Variants in RMND5A observed in about 807,000 individuals in gnomAD.
The protein encoded by RMND5A is required for meiotic nuclear division 5 homolog A, also known as E3 ubiquitin-protein transferase RMND5A.
RMND5A carries 17 observed loss-of-function variants against 49.7 expected under a neutral mutation model. The ratio of observed to expected loss-of-function variants is 0.34; its 90% CI spans 0.23 to 0.51. The LOEUF (loss-of-function observed/expected upper bound fraction) is 0.51. Among genes scored for constraint, RMND5A ranks in the 20% least tolerant of loss-of-function variants. The pLI, the probability that RMND5A is intolerant of heterozygous loss-of-function variation, is 0.96. For synonymous variants in RMND5A, 156 were observed against 167.7 expected (o/e 0.93, Z 0.54); for missense variants, 255 against 471.3 (o/e 0.54, Z 4.25).
chr2:86,744,321 G>T (rs960102342), intron 2 of RMND5A, among the ~76,000 whole-genome samples: 2 of 152,202 alleles, frequency 1.3e-5, no homozygotes, highest in African/African-American at 4.8e-5. Flanking sequence ...TGGGCAGCCT[G>T]TTGTAAAGGC....
chr2:86,753,387 A>T, intron 3 of RMND5A, 71 bp from the exon 4 acceptor site: 1 of 874,046 alleles, frequency 1.1e-6, no homozygotes, highest in Non-Finnish European at 1.9e-6. Context: ...ACAATCTAGA[A>T]TATACTTTTA....
At chr2:86,752,085 G>C in intron 3 of RMND5A, 55 bp downstream of exon 3, 1 of 1,575,648 alleles carries the variant, frequency 6.3e-7, no homozygotes, top group Non-Finnish European at 8.7e-7. Context: ...ACTCCTTGGA[G>C]TTTATAGTAT....
At chr2:86,764,957 G>T in intron 4 of RMND5A, 70 bp from the exon 5 acceptor site, 2 of 1,463,770 alleles carry the variant, frequency 1.4e-6, no homozygotes, top group Non-Finnish European at 1.8e-6. Context: ...GTTTTACTGG[G>T]TTTCAAATAG....
chr2:86,753,721 TG>T (rs1325460555), intron 4 of RMND5A, among the ~76,000 whole-genome samples, 163 bp downstream of exon 4: 1 of 152,200 alleles, frequency 6.6e-6, no homozygotes, highest in East Asian at 1.9e-4. Flanking sequence ...AAGTGAAATA[TG>T]GGGGGTGTGC....
At chr2:86,745,914 C>G (rs1558721155) in intron 2 of RMND5A, among the ~76,000 whole-genome samples, 1 of 152,162 alleles carries the variant, frequency 6.6e-6, no homozygotes, top group South Asian at 2.1e-4. Context: ...ACTAGGAAAT[C>G]ACTGAGGCCA....
intron 1 of RMND5A, among the ~76,000 whole-genome samples, chr2:86,732,760 T>C (rs1573429131): frequency 1.5e-5 from 2 of 132,340 alleles, no homozygotes; most frequent in East Asian, 4.3e-4. Flanking sequence ...GTCTCAAAAG[T>C]GACTTGAGTC....
rs192241541 is a variant in RMND5A at position 86,770,565 on chromosome 2, G to A, written c.957+440G>A. Among the ~76,000 whole-genome samples the A allele has an allele frequency of 5.3e-5, 8 of 152,306 alleles. No individual in the cohort carries two copies. In the Middle Eastern group the frequency reaches 0.01, roughly 194 times the overall value. On this transcript the variant is annotated intron_variant, in intron 7 of 8. Coordinates refer to ENST00000283632, the MANE Select transcript of RMND5A (RefSeq NM_022780.4). Reference sequence around the variant, plus strand: ...AATAAGTATAGAGCTCTTAAAGGTCGTAACACCTGCAGTCATCAGTGGGTC... The same window carrying A: ...AATAAGTATAGAGCTCTTAAAGGTCATAACACCTGCAGTCATCAGTGGGTC...
At chr2:86,771,510 T>G in intron 7 of RMND5A, 48 bp from the exon 8 acceptor site, 1 of 1,552,486 alleles carries the variant, frequency 6.4e-7, no homozygotes, top group Non-Finnish European at 8.8e-7. Flanking sequence ...TGGATGGTTT[T>G]GTGAAATATG....
At chr2:86,742,645 A>G (rs980207135) in intron 2 of RMND5A, among the ~76,000 whole-genome samples, 1 of 151,896 alleles carries the variant, frequency 6.6e-6, no homozygotes, top group African/African-American at 2.4e-5. Flanking sequence ...CTCTAGAGGT[A>G]CAGTAACTAC....
chr2:86,767,633 G>A (rs1301000681), intron 6 of RMND5A, among the ~76,000 whole-genome samples: 1 of 152,004 alleles, frequency 6.6e-6, no homozygotes, highest in African/African-American at 2.4e-5. Flanking sequence ...TCTTAATTAA[G>A]TATGATTTTA....
At chr2:86,753,426 A>G in intron 3 of RMND5A, 32 bp from the exon 4 acceptor site, 1 of 1,367,790 alleles carries the variant, frequency 7.3e-7, no homozygotes, top group Non-Finnish European at 1.0e-6. Context: ...GATTACTGCT[A>G]ACAAAAGTTC....
chr2:86,763,515 C>A (rs1011391263), intron 4 of RMND5A, among the ~76,000 whole-genome samples: 2 of 151,992 alleles, frequency 1.3e-5, no homozygotes, highest in African/African-American at 4.8e-5. Flanking sequence ...CACGGAAGCT[C>A]ACACCTGTAA....
At chr2:86,757,921 C>G (rs919031517) in intron 4 of RMND5A, among the ~76,000 whole-genome samples, 1 of 152,198 alleles carries the variant, frequency 6.6e-6, no homozygotes, top group African/African-American at 2.4e-5. Context: ...GGCACATGAG[C>G]TTGCAAAGCC....
At chr2:86,752,180 G>C (rs1471433631) in intron 3 of RMND5A, 150 bp downstream of exon 3, 1 of 700,290 alleles carries the variant, frequency 1.4e-6, no homozygotes, top group African/African-American at 1.8e-5. Flanking sequence ...ATTTTACTAG[G>C]AGTATTTTGG....
intron 2 of RMND5A, among the ~76,000 whole-genome samples, chr2:86,744,039 TGTG>T (rs1033821467): frequency 6.6e-6 from 1 of 152,074 alleles, no homozygotes; most frequent in African/African-American, 2.4e-5. Flanking sequence ...GAATAGTGTT[TGTG>T]GTACTGTAGT....
intron 8 of RMND5A, 129 bp downstream of exon 8, chr2:86,771,841 A>C (rs1672690222): frequency 1.3e-6 from 1 of 754,118 alleles, no homozygotes; most frequent in Admixed American, 2.9e-5. Flanking sequence ...TTAACTATTC[A>C]TTTGGCAAAG....
intron 6 of RMND5A, 147 bp from the exon 7 acceptor site, chr2:86,769,876 G>A: frequency 1.7e-6 from 1 of 590,936 alleles, no homozygotes; most frequent in South Asian, 2.5e-5. Context: ...GGAAATGGCT[G>A]GATTTACTTT....
intron 4 of RMND5A, among the ~76,000 whole-genome samples, chr2:86,760,551 C>T (rs900010619): frequency 6.6e-6 from 1 of 152,232 alleles, no homozygotes; most frequent in African/African-American, 2.4e-5. Flanking sequence ...ATAACAGGAG[C>T]ATCATGGTCA....
chr2:86,764,879 A>AAGGTCTGGGCCCT (rs1287893694), intron 4 of RMND5A, 148 bp from the exon 5 acceptor site: 1 of 631,204 alleles, frequency 1.6e-6, no homozygotes, highest in Non-Finnish European at 2.6e-6. Context: ...TTTCCTGACA[A>AAGGTCTGGGCCCT]AGGTCTGGGC....
Sources: allele counts gnomAD v4.1 joint callset (sites outside exome capture counted in the v4.1 genomes callset), GRCh38; gene constraint gnomAD v4.1.1; transcripts MANE v1.5; gene names NCBI Gene and HGNC (gene_info 2026-07-23, HGNC 2026-07-21).